Variants in DNAH10 observed in about 807,000 individuals in gnomAD.
The protein encoded by DNAH10 is dynein axonemal heavy chain 10.
A neutral mutation model predicts 506.6 loss-of-function variants in DNAH10; 348 were observed. The ratio of observed to expected loss-of-function variants is 0.69; its 90% confidence interval spans 0.63 to 0.75. DNAH10 has a LOEUF of 0.75. Among genes scored for constraint, DNAH10 ranks in the 30% least tolerant of loss-of-function variants. The pLI, the probability that DNAH10 is intolerant of heterozygous loss-of-function variation, is 0.00. For missense variants in DNAH10, 5,179 were observed against 5,787.1 expected (o/e 0.89, Z 3.41); for synonymous variants, 2,059 against 2,198.6 (o/e 0.94, Z 1.78).
rs770301051 is a variant in DNAH10, at chr12:123,771,652, A to G, written c.350A>G (p.Glu117Gly). 1 of 1,613,594 alleles carries G rather than the reference A, an allele frequency of 6.2e-7. No homozygotes were observed. The highest frequency in any genetic ancestry group is 8.5e-7 in the Non-Finnish European group (1 of 1,179,758). Reference sequence around the variant, plus strand: ...TCTCTAGGCCAACCTCTAAACAGAGAGGATGAAGAAATGGACAAAGAGATT... The same window carrying G: ...TCTCTAGGCCAACCTCTAAACAGAGGGGATGAAGAAATGGACAAAGAGATT... ...TESLGQPLNR[E>G]DEEMDKEISE... Residue 117 changes from glutamate to glycine, a missense_variant, in exon 3 of 79, where the codon GAG (glutamate) becomes GGG (glycine). Glu to Gly is a moderately conservative substitution (Grantham distance 98, BLOSUM62 -2). Coordinates refer to ENST00000673944, the MANE Select transcript of DNAH10 (RefSeq NM_001372106.1).
rs774247534 is a variant in DNAH10 at position 123,916,525 on chromosome 12, C to T, written c.10791C>T (p.Phe3597=). 113 of 1,613,830 alleles carry T rather than the reference C, an allele frequency of 7.0e-5. 2 individuals carry two copies. The South Asian group carries it at 1.2e-3, about 18-fold the overall frequency. The change falls in exon 63 of 79, where the codon TTC becomes TTT. Residue 3597 remains phenylalanine (F), a synonymous_variant. Transcript: ENST00000673944. The surrounding 1 kb of genome is among the most constrained non-coding windows in gnomAD (Gnocchi z 4.6). ...LEMSIKYGTP[F]LFRDVDEYID... is the part of the protein sequence containing the mutation. ...TGTCCATAAAGTACGGGACCCCTTT[C>T]CTGTTCCGCGATGTTGATGAATACA...
At chr12:123,888,787 C>T (rs1236427007) in intron 52 of DNAH10, among the ~76,000 whole-genome samples, 1 of 152,164 alleles carries the variant, frequency 6.6e-6, no homozygotes, top group Non-Finnish European at 1.5e-5. Flanking sequence ...GAGACTCGAA[C>T]CCAGGATTTT....
chr12:123,870,510 C>G, intron 44 of DNAH10, 25 bp downstream of exon 44: 1 of 1,608,530 alleles, frequency 6.2e-7, no homozygotes, highest in Non-Finnish European at 8.5e-7. Context: ...AATCCTTGTT[C>G]CTGGGTTTAG....
chr12:123,806,127 G>A (rs1958666195), intron 18 of DNAH10, among the ~76,000 whole-genome samples: 1 of 152,120 alleles, frequency 6.6e-6, no homozygotes, highest in Non-Finnish European at 1.5e-5. Flanking sequence ...TTCTTGTTTG[G>A]TTTTTAAGTG....
Position 123,877,709 on chromosome 12 carries a change from T to TGGG in DNAH10, c.8200-21_8200-19dup, listed in dbSNP as rs113178558. ...CATCTACTGAAGGACATTTGTGTGTTGGGGGGGGTGTCTTTGCATTTTTCA... is the reference window on the plus strand; with the variant it reads ...CATCTACTGAAGGACATTTGTGTGTTGGGGGGGGGGGTGTCTTTGCATTTTTCA... On this transcript the variant is annotated intron_variant, in intron 47 of 78. Coordinates refer to ENST00000673944, the MANE Select transcript of DNAH10 (RefSeq NM_001372106.1). The TGGG allele has an allele frequency of 3.6e-5, 55 of 1,531,930 alleles. No individual in the cohort carries two copies. In the African/African-American group the frequency reaches 5.8e-4, roughly 16 times the overall value. The allele number at this position is 1,531,930 out of a possible 1,614,324, so 94.9% of individuals were successfully genotyped here.
At chr12:123,921,422 A>C (rs1954716943) in intron 65 of DNAH10, among the ~76,000 whole-genome samples, 1 of 152,142 alleles carries the variant, frequency 6.6e-6, no homozygotes, top group Non-Finnish European at 1.5e-5. Context: ...ATCTTTTCCA[A>C]AGTTCACTTG....
At chr12:123,896,775 G>A (rs1953270385) in intron 54 of DNAH10, among the ~76,000 whole-genome samples, 1 of 150,062 alleles carries the variant, frequency 6.7e-6, no homozygotes, top group Admixed American at 6.6e-5. Context: ...GCCCTGAAAA[G>A]CCACCAATAA....
Position 123,846,170 on chromosome 12 carries a change from G to A in DNAH10, c.5814+16G>A, listed in dbSNP as rs1182510633. The A allele has an allele frequency of 6.2e-7, 1 of 1,605,690 alleles. No individual in the cohort carries two copies. The highest frequency in any genetic ancestry group is 1.7e-5 in the Admixed American group (1 of 59,430). The stretch of plus-strand genomic sequence containing the variant: ...GCTCACCCAGGTGACTGCCAGCCTG[G>A]CACTTGTGGTTACCACTTACCTTGG... On this transcript the variant is annotated intron_variant, in intron 32 of 78. Coordinates refer to ENST00000673944, the MANE Select transcript of DNAH10 (RefSeq NM_001372106.1). The surrounding 1 kb of genome is among the most constrained non-coding windows in gnomAD (Gnocchi z 4.5).
intron 32 of DNAH10, among the ~76,000 whole-genome samples, chr12:123,847,525 A>G (rs1951010180): frequency 1.3e-5 from 2 of 151,916 alleles, no homozygotes; most frequent in African/African-American, 4.8e-5. Flanking sequence ...TGAGGGCCTG[A>G]GAACCCGAAG....
chr12:123,861,022 A>AC lies in DNAH10; in HGVS notation c.6761dup (p.Thr2255AspfsTer54). The AC allele has an allele frequency of 6.2e-7, 1 of 1,613,996 alleles. No individual in the cohort carries two copies. Among genetic ancestry groups the AC allele is most frequent in the African/African-American group, 1.3e-5 (1 of 75,040 alleles). On this transcript the variant is annotated frameshift_variant, in exon 39 of 79. Coordinates refer to ENST00000673944, the MANE Select transcript of DNAH10 (RefSeq NM_001372106.1). LOFTEE classifies it high-confidence loss of function. ...CCTCTCTTGATTTAGGCTTGGGCTG[A>AC]CGACAAAGTTGTACATCCTGAACCC...
At chr12:123,847,368 A>G (rs950036433) in intron 32 of DNAH10, among the ~76,000 whole-genome samples, 4 of 148,926 alleles carry the variant, frequency 2.7e-5, no homozygotes, top group African/African-American at 9.8e-5. Context: ...ATTTAGGAGG[A>G]GATTTATTAT....
At position 123,808,929 on chromosome 12, in the gene DNAH10, C is replaced by G; in HGVS notation, c.3120C>G (p.Val1040=). ...NEIDKMCFHC[V]RNCVEITKHF... The stretch of plus-strand genomic sequence containing the variant: ...TCGACAAGATGTGCTTCCATTGTGT[C>G]CGGAATTGCGTGGAGATCACCAAGG... Residue 1040 remains valine (V), a synonymous_variant, in exon 19 of 79, where the codon GTC becomes GTG. Transcript: ENST00000673944. The G allele has an allele frequency of 6.2e-7, 1 of 1,614,162 alleles. No homozygotes were observed. The highest frequency in any genetic ancestry group is 1.1e-5 in the South Asian group (1 of 91,080).
At chr12:123,934,852 A>G (rs919076579) in intron 78 of DNAH10, 86 bp downstream of exon 78, 40 of 1,529,438 alleles carry the variant, frequency 2.6e-5, no homozygotes, top group Non-Finnish European at 3.5e-5. Flanking sequence ...CAACAGTCCT[A>G]CTTTTTAAAA....
chr12:123,838,314 T>C (rs566123435), intron 28 of DNAH10, 142 bp from the exon 29 acceptor site: 17 of 655,970 alleles, frequency 2.6e-5, no homozygotes, highest in Non-Finnish European at 4.2e-5. Flanking sequence ...ATGGATCCCC[T>C]GAAAGCCAAT....
chr12:123,822,645 T>G (rs1959538621), intron 24 of DNAH10, among the ~76,000 whole-genome samples: 1 of 152,196 alleles, frequency 6.6e-6, no homozygotes, highest in Non-Finnish European at 1.5e-5. Flanking sequence ...TATACCTATA[T>G]CTATGAGATT....
Position 123,877,747 on chromosome 12 carries a change from G to C in DNAH10, c.8211G>C (p.Glu2737Asp). The C allele has an allele frequency of 6.2e-7, 1 of 1,613,190 alleles. No homozygotes were observed. The highest frequency in any genetic ancestry group is 1.1e-5 in the South Asian group (1 of 90,890). The change falls in exon 48 of 79, where the codon GAG becomes GAC. Residue 2737 changes from glutamate to aspartate, a missense_variant. By Grantham distance (45) the Glu-to-Asp change is conservative (BLOSUM62 2). Transcript: ENST00000673944. The stretch of plus-strand genomic sequence containing the variant: ...TTTGCATTTTTCAGACGTTTCATGA[G>C]AGCATTGTGGCTGTGAGTGGCAAGC... ...ILKGHTSTFHESIVAVSGKLT... is the reference protein window; with the variant it reads ...ILKGHTSTFHDSIVAVSGKLT...
chr12:123,869,719 C>T (rs1323921141), intron 43 of DNAH10, among the ~76,000 whole-genome samples: 1 of 152,248 alleles, frequency 6.6e-6, no homozygotes, highest in Non-Finnish European at 1.5e-5. Flanking sequence ...TCCTCCTTCT[C>T]AGGCTCCTCG....
chr12:123,906,060 T>C lies in DNAH10; in HGVS notation c.9815+2947T>C, dbSNP rs182250193. 1.9e-3 allele frequency among the ~76,000 whole-genome samples: 280 copies of C among 150,346 alleles called. 3 individuals carry two copies. The highest frequency in any genetic ancestry group is 6.4e-3 in the African/African-American group (262 of 40,834). ...AGCCTCCTGAGTAGCTCCAGCCTCC[T>C]GAGTACCTCCAGACGCCCGCCACGA... On this transcript the variant is annotated intron_variant, in intron 57 of 78. Transcript: ENST00000673944.
intron 11 of DNAH10, among the ~76,000 whole-genome samples, chr12:123,791,179 T>C (rs1958065915): frequency 6.6e-6 from 1 of 152,072 alleles, no homozygotes; most frequent in African/African-American, 2.4e-5. Flanking sequence ...AGGTTTATAC[T>C]TCAGGAAGAT....
Sources: gnomAD v4.1 joint callset for allele counts (sites outside exome capture counted in the v4.1 genomes callset) on GRCh38, gnomAD v4.1.1 for gene constraint, Gnocchi (gnomAD v3.1) non-coding constraint, MANE v1.5 for transcripts, NCBI Gene and HGNC (gene_info 2026-07-23, HGNC 2026-07-21) for gene names.